Variants in ZFR observed in about 807,000 individuals in gnomAD.
The protein encoded by ZFR is zinc finger RNA binding protein.
ZFR carries 19 observed loss-of-function variants against 130.7 expected under a neutral mutation model. The ratio of observed to expected loss-of-function variants is 0.15; its 90% CI spans 0.10 to 0.21. The LOEUF (loss-of-function observed/expected upper bound fraction) is 0.21. ZFR is among the 10% of genes least tolerant of loss of function. The pLI is 1.00. For missense variants in ZFR, 872 were observed against 1,321.5 expected (o/e 0.66, Z 5.27); for synonymous variants, 466 against 456.9 (o/e 1.02, Z -0.25).
chr5:32,387,894 C>T (rs899925236), intron 13 of ZFR, among the ~76,000 whole-genome samples, 195 bp from the exon 14 acceptor site: 2 of 151,950 alleles, frequency 1.3e-5, no homozygotes, highest in Admixed American at 1.3e-4. Context: ...TAATAAAGAG[C>T]TAAGTTCTTT....
At chr5:32,361,550 C>A (rs1752430873) in intron 19 of ZFR, among the ~76,000 whole-genome samples, 1 of 151,698 alleles carries the variant, frequency 6.6e-6, no homozygotes, top group Admixed American at 6.6e-5. Context: ...CAAAAGATAT[C>A]TCATATATAA....
chr5:32,388,920 T>C (rs1171762154), intron 12 of ZFR, among the ~76,000 whole-genome samples: 1 of 152,194 alleles, frequency 6.6e-6, no homozygotes, highest in Non-Finnish European at 1.5e-5. Flanking sequence ...CTAATACATA[T>C]AAACCTAAAG....
chr5:32,444,333 G>A lies in ZFR; in HGVS notation c.38-5C>T, dbSNP rs375732985. The A allele has an allele frequency of 2.9e-5, 44 of 1,536,236 alleles. No individual in the cohort carries two copies. Among genetic ancestry groups the A allele is most frequent in the Non-Finnish European group, 3.2e-5 (37 of 1,140,308 alleles). ...CTTCCCCCAGCCGGCTGGGCACTGC[G>A]GCGGGCACGAAGAGTCGGGTCCCAT... is the stretch of plus-strand genomic sequence containing the variant. On this transcript the variant is annotated splice_polypyrimidine_tract_variant and splice_region_variant and intron_variant, in intron 1 of 19. Coordinates refer to ENST00000265069, the MANE Select transcript of ZFR (RefSeq NM_016107.5).
intron 10 of ZFR, among the ~76,000 whole-genome samples, chr5:32,396,372 CTG>C (rs2111754598): frequency 1.3e-5 from 2 of 152,286 alleles, no homozygotes; most frequent in South Asian, 4.1e-4. Context: ...CCCTTTTACA[CTG>C]TTTTAATTTT....
chr5:32,399,389 A>G (rs1753392288), intron 9 of ZFR, among the ~76,000 whole-genome samples: 1 of 152,216 alleles, frequency 6.6e-6, no homozygotes, highest in East Asian at 1.9e-4. Flanking sequence ...GAATATCCCA[A>G]TTTTATAGAT....
At chr5:32,379,022 A>T (rs1752884621) in intron 17 of ZFR, 93 bp downstream of exon 17, 1 of 940,160 alleles carries the variant, frequency 1.1e-6, no homozygotes, top group Non-Finnish European at 1.6e-6. Flanking sequence ...AGTAAATGCA[A>T]ATAAGGCTGA....
chr5:32,369,441 CCTTT>C (rs1007638378), intron 17 of ZFR, among the ~76,000 whole-genome samples: 57 of 152,228 alleles, frequency 3.7e-4, no homozygotes, highest in African/African-American at 4.6e-4. Context: ...GTTTTCTTCA[CCTTT>C]CTTTGAGAAT....
chr5:32,377,319 G>T (rs1274321252), intron 17 of ZFR, among the ~76,000 whole-genome samples: 1 of 148,700 alleles, frequency 6.7e-6, no homozygotes, highest in East Asian at 2.0e-4. Flanking sequence ...TGCAACCTCT[G>T]CCTCCCAGGT....
rs1402555487 is a variant in ZFR at position 32,395,307 on chromosome 5, A to G, written c.1834-3T>C. ...TGCAAATCTGGATTTACTTTTTTCT[A>G]TTAATATAAATAAGACATTTAAAAA... is the stretch of plus-strand genomic sequence containing the variant. On this transcript the variant is annotated splice_region_variant and splice_polypyrimidine_tract_variant and intron_variant, in intron 10 of 19. Transcript: ENST00000265069. The G allele has an allele frequency of 6.4e-7, 1 of 1,565,514 alleles. No homozygotes were observed. The highest frequency in any genetic ancestry group is 1.2e-5 in the South Asian group (1 of 82,976).
intron 10 of ZFR, among the ~76,000 whole-genome samples, chr5:32,396,631 G>A (rs1018655472): frequency 6.6e-6 from 1 of 152,042 alleles, no homozygotes; most frequent in Non-Finnish European, 1.5e-5. Flanking sequence ...CCAGCTACTC[G>A]GGAGGCGGAG....
intron 8 of ZFR, 149 bp from the exon 9 acceptor site, chr5:32,400,352 A>C (rs1050782544): frequency 1.2e-5 from 7 of 576,854 alleles, no homozygotes; most frequent in African/African-American, 1.9e-5. Context: ...AGAACTACAT[A>C]AACTACTTGG....
At chr5:32,360,787 T>C (rs1253593145) in intron 19 of ZFR, among the ~76,000 whole-genome samples, 1 of 152,162 alleles carries the variant, frequency 6.6e-6, no homozygotes, top group East Asian at 1.9e-4. Context: ...CGATGAGGTC[T>C]TGCTATGTTG....
chr5:32,401,448 G>T (rs962417914), intron 8 of ZFR, among the ~76,000 whole-genome samples: 3 of 152,128 alleles, frequency 2.0e-5, no homozygotes, highest in African/African-American at 7.2e-5. Context: ...ACTGGGATTT[G>T]AAAGAATATG....
At chr5:32,429,764 C>T (rs573985826) in intron 2 of ZFR, among the ~76,000 whole-genome samples, 1 of 151,922 alleles carries the variant, frequency 6.6e-6, no homozygotes, top group African/African-American at 2.4e-5. Flanking sequence ...AAACAGGAAA[C>T]CTCAATCAAA....
intron 11 of ZFR, among the ~76,000 whole-genome samples, chr5:32,392,915 A>G (rs1043905010): frequency 3.3e-5 from 5 of 152,218 alleles, no homozygotes; most frequent in African/African-American, 9.6e-5. Flanking sequence ...GAATCACTTA[A>G]ACTCAGGAGG....
At position 32,355,439 on chromosome 5, in the gene ZFR, T is replaced by A. The variant is rs1437025483; in HGVS notation, c.*321A>T. 5.6e-6 allele frequency: 1 copy of A among 177,434 alleles called. No individual in the cohort carries two copies. Among genetic ancestry groups the A allele is most frequent in the African/African-American group, 2.4e-5 (1 of 42,348 alleles). 11.0% of individuals were successfully genotyped at this position (177,434 alleles called of 1,614,324 possible). A position where few individuals can be genotyped will look rare whatever the true frequency, so the allele number is the denominator to read the frequency against. On this transcript the variant is annotated 3_prime_UTR_variant, in exon 20 of 20. Coordinates refer to ENST00000265069, the MANE Select transcript of ZFR (RefSeq NM_016107.5). ...CATCCTGCATTAAATACAGTGAAGA[T>A]TTAATAAGACAATGCACTAGTTAAT...
rs187441705 is a variant in ZFR at position 32,372,030 on chromosome 5, T to C, written c.2835+7085A>G. Among the ~76,000 whole-genome samples the C allele has an allele frequency of 1.5e-3, 226 of 152,272 alleles. 1 individual carries two copies. Among genetic ancestry groups the C allele is most frequent in the Non-Finnish European group, 2.1e-3 (144 of 68,008 alleles). On this transcript the variant is annotated intron_variant, in intron 17 of 19. Coordinates refer to ENST00000265069, the MANE Select transcript of ZFR (RefSeq NM_016107.5). ...AAGCTCTAGGAGTCCATTCTTGGAT[T>C]GAAACCTGAAACTGAAGGGGTGGCA...
intron 9 of ZFR, 95 bp from the exon 10 acceptor site, chr5:32,397,433 G>A: frequency 6.9e-7 from 1 of 1,453,108 alleles, no homozygotes; most frequent in Non-Finnish European, 9.3e-7. Flanking sequence ...TACACAGTTA[G>A]AAAGAAGTGG....
chr5:32,367,800 A>G (rs765403147), intron 17 of ZFR, among the ~76,000 whole-genome samples: 4 of 152,168 alleles, frequency 2.6e-5, no homozygotes, highest in Non-Finnish European at 5.9e-5. Flanking sequence ...TTATAATAAG[A>G]GTAACTCTTA....
Sources: gnomAD v4.1 joint callset for allele counts (sites outside exome capture counted in the v4.1 genomes callset) on GRCh38, gnomAD v4.1.1 for gene constraint, MANE v1.5 for transcripts, NCBI Gene and HGNC (gene_info 2026-07-23, HGNC 2026-07-21) for gene names.